NXPH2: variants seen among roughly 807,000 people sequenced by gnomAD.
The protein encoded by NXPH2 is neurexophilin-2.
NXPH2 carries 5 observed loss-of-function variants against 19.8 expected under a neutral mutation model. That is an observed-to-expected ratio of 0.25 (90% CI 0.13 to 0.53). The LOEUF is 0.53. Among genes scored for constraint, NXPH2 ranks in the 20% least tolerant of loss-of-function variants. NXPH2 has a pLI of 0.96. For missense variants in NXPH2, 289 were observed against 322.8 expected (o/e 0.90, Z 0.80); for synonymous variants, 154 against 127.4 (o/e 1.21, Z -1.41).
intron 1 of NXPH2, among the ~76,000 whole-genome samples, chr2:138,683,127 A>G (rs1227547470): frequency 1.3e-5 from 2 of 152,178 alleles, no homozygotes; most frequent in African/African-American, 2.4e-5. Flanking sequence ...GTCAGATCAC[A>G]GTCTCAATAC....
At chr2:138,709,283 C>G (rs1681061651) in intron 1 of NXPH2, among the ~76,000 whole-genome samples, 1 of 152,092 alleles carries the variant, frequency 6.6e-6, no homozygotes, top group African/African-American at 2.4e-5. Context: ...CCTACAGCAG[C>G]CTTCACAGTT....
chr2:138,714,196 A>G (rs1039746543), intron 1 of NXPH2, among the ~76,000 whole-genome samples: 3 of 152,204 alleles, frequency 2.0e-5, no homozygotes, highest in African/African-American at 7.2e-5. Flanking sequence ...CTCTTGCTGT[A>G]GGTATGTGCG....
rs1680398517 is a variant in NXPH2 at position 138,670,569 on chromosome 2, ATTTCAAGAGCAATGT to A, written c.*338_*352del. Among the ~76,000 whole-genome samples, 1 of 152,198 alleles carries A rather than the reference ATTTCAAGAGCAATGT, an allele frequency of 6.6e-6. No individual in the cohort carries two copies. The highest frequency in any genetic ancestry group is 2.4e-5 in the African/African-American group (1 of 41,436). ...CAAAACATATTTCAAAGGCAGGCTC[ATTTCAAGAGCAATGT>A]TTGTCACATGCATAATTTTGTTCCT... On this transcript the variant is annotated 3_prime_UTR_variant, in exon 2 of 2. Transcript: ENST00000272641.
chr2:138,737,942 GT>G (rs1309658533), intron 1 of NXPH2, among the ~76,000 whole-genome samples: 2 of 151,018 alleles, frequency 1.3e-5, no homozygotes, highest in Non-Finnish European at 2.9e-5. Context: ...TATACTTTAA[GT>G]TTTAGGGTAC....
At chr2:138,689,338 G>T (rs1680710254) in intron 1 of NXPH2, among the ~76,000 whole-genome samples, 2 of 152,208 alleles carry the variant, frequency 1.3e-5, no homozygotes, top group East Asian at 3.8e-4. Flanking sequence ...CCCAGAGGAG[G>T]AGAGTGGTTG....
chr2:138,780,059 C>A, intron 1 of NXPH2, 132 bp downstream of exon 1: 2 of 858,546 alleles, frequency 2.3e-6, no homozygotes, highest in East Asian at 3.3e-5. Flanking sequence ...ACCCAAAACT[C>A]CTTGCCCTCC....
intron 1 of NXPH2, among the ~76,000 whole-genome samples, chr2:138,758,990 A>G (rs1681959086): frequency 6.6e-6 from 1 of 152,180 alleles, no homozygotes; most frequent in Non-Finnish European, 1.5e-5. Context: ...CCAGTTATAA[A>G]GCAATTTGTG....
chr2:138,714,265 C>A (rs1244132087), intron 1 of NXPH2, among the ~76,000 whole-genome samples: 1 of 152,058 alleles, frequency 6.6e-6, no homozygotes, highest in Admixed American at 6.5e-5. Context: ...GCATAAGATC[C>A]CTACAAGTAG....
At chr2:138,718,175 G>A (rs570982525) in intron 1 of NXPH2, among the ~76,000 whole-genome samples, 1 of 152,156 alleles carries the variant, frequency 6.6e-6, no homozygotes, top group African/African-American at 2.4e-5. Flanking sequence ...AGAAAAATTA[G>A]ATCACTCATA....
At chr2:138,774,530 C>T (rs1682229529) in intron 1 of NXPH2, among the ~76,000 whole-genome samples, 1 of 152,120 alleles carries the variant, frequency 6.6e-6, no homozygotes, top group Non-Finnish European at 1.5e-5. Context: ...TTCAGAACCC[C>T]TGTTACAACA....
At chr2:138,755,015 A>C (rs1369295666) in intron 1 of NXPH2, among the ~76,000 whole-genome samples, 4 of 152,166 alleles carry the variant, frequency 2.6e-5, no homozygotes, top group African/African-American at 9.7e-5. Context: ...TACATCTTCT[A>C]TGATTAGGTA....
intron 1 of NXPH2, among the ~76,000 whole-genome samples, chr2:138,697,614 T>G (rs1393921766): frequency 6.6e-6 from 1 of 151,946 alleles, no homozygotes; most frequent in African/African-American, 2.4e-5. Flanking sequence ...ATTCATTAAC[T>G]GGTTGTCTCA....
intron 1 of NXPH2, among the ~76,000 whole-genome samples, chr2:138,687,423 T>C (rs1680677127): frequency 6.6e-6 from 1 of 152,220 alleles, no homozygotes; most frequent in Non-Finnish European, 1.5e-5. Flanking sequence ...TAAATTTGTT[T>C]GAGTTCTTTG....
intron 1 of NXPH2, among the ~76,000 whole-genome samples, chr2:138,687,382 C>T (rs539845319): frequency 3.3e-5 from 5 of 152,178 alleles, no homozygotes; most frequent in East Asian, 1.9e-4. Context: ...TATACTTCAC[C>T]GTCTTTTTGA....
At chr2:138,704,636 T>C (rs1410769564) in intron 1 of NXPH2, among the ~76,000 whole-genome samples, 1 of 152,076 alleles carries the variant, frequency 6.6e-6, no homozygotes, top group Non-Finnish European at 1.5e-5. Flanking sequence ...GATTCTACTG[T>C]AGTGATATTT....
chr2:138,757,857 CTATCTAT>C (rs763977316), intron 1 of NXPH2, among the ~76,000 whole-genome samples: 1 of 146,650 alleles, frequency 6.8e-6, no homozygotes, highest in Non-Finnish European at 1.5e-5. Context: ...ATCTATCTAT[CTATCTAT>C]CTCCCACTGG....
At chr2:138,690,601 A>T (rs1680732732) in intron 1 of NXPH2, among the ~76,000 whole-genome samples, 1 of 151,964 alleles carries the variant, frequency 6.6e-6, no homozygotes, top group South Asian at 2.1e-4. Flanking sequence ...AAAAAACAAA[A>T]CTCAGAAAAC....
intron 1 of NXPH2, among the ~76,000 whole-genome samples, chr2:138,745,938 T>C (rs911857527): frequency 6.6e-6 from 1 of 152,222 alleles, no homozygotes; most frequent in Non-Finnish European, 1.5e-5. Flanking sequence ...CATTGGGTGA[T>C]AACACGGCTG....
intron 1 of NXPH2, among the ~76,000 whole-genome samples, chr2:138,705,904 C>T (rs1176785321): frequency 6.6e-6 from 1 of 152,162 alleles, no homozygotes; most frequent in Non-Finnish European, 1.5e-5. Flanking sequence ...TTCTTCAATT[C>T]TCATAACCAT....
Sources: allele counts gnomAD v4.1 joint callset (sites outside exome capture counted in the v4.1 genomes callset), GRCh38; gene constraint gnomAD v4.1.1; transcripts MANE v1.5; gene names NCBI Gene and HGNC (gene_info 2026-07-23, HGNC 2026-07-21).